ADGRL2: variants seen among roughly 807,000 people sequenced by gnomAD.
ADGRL2 encodes adhesion G protein-coupled receptor L2.
In ADGRL2, 44 loss-of-function variants were observed where a neutral mutation model predicts 157.4. That is an observed-to-expected ratio of 0.28 (90% CI 0.22 to 0.36). ADGRL2 has a LOEUF of 0.36. Among genes scored for constraint, ADGRL2 ranks in the 10% least tolerant of loss-of-function variants. The pLI is 1.00. For missense variants in ADGRL2, 1,510 were observed against 1,768.9 expected (o/e 0.85, Z 2.63); for synonymous variants, 585 against 624.7 (o/e 0.94, Z 0.95).
intron 2 of ADGRL2, among the ~76,000 whole-genome samples, chr1:81,496,932 C>T (rs910833197): frequency 6.6e-6 from 1 of 152,100 alleles, no homozygotes; most frequent in African/African-American, 2.4e-5. Flanking sequence ...TTGTCCTCCC[C>T]TTTCTACCTG....
intron 1 of ADGRL2, among the ~76,000 whole-genome samples, chr1:81,436,043 C>T (rs1003913299): frequency 2.0e-5 from 3 of 152,016 alleles, no homozygotes; most frequent in Admixed American, 6.6e-5. Context: ...TGCGGTGAGC[C>T]GAGATCACGC....
chr1:81,508,204 A>G (rs1359450290), intron 2 of ADGRL2, among the ~76,000 whole-genome samples: 1 of 152,234 alleles, frequency 6.6e-6, no homozygotes, highest in Non-Finnish European at 1.5e-5. Flanking sequence ...TCTTACCAGA[A>G]CAGTGAAAAT....
At chr1:81,912,712 A>C (rs112805060) in intron 3 of ADGRL2, among the ~76,000 whole-genome samples, 2,647 of 152,336 alleles carry the variant, frequency 0.017, 72 homozygotes, top group Non-Finnish European at 0.021. Flanking sequence ...ATGTTTTAGA[A>C]GCCAGTAGCA....
At chr1:81,848,634 A>G (rs1194176706) in intron 2 of ADGRL2, among the ~76,000 whole-genome samples, 1 of 151,978 alleles carries the variant, frequency 6.6e-6, no homozygotes, top group East Asian at 1.9e-4. Flanking sequence ...ACCATTTTAG[A>G]TGAAAAACTA....
chr1:81,899,122 C>A (rs940855837), intron 2 of ADGRL2, among the ~76,000 whole-genome samples: 2 of 152,048 alleles, frequency 1.3e-5, no homozygotes, highest in Non-Finnish European at 2.9e-5. Flanking sequence ...TATAGTACAG[C>A]GTAGTAAGAA....
intron 3 of ADGRL2, chr1:81,586,096 A>G (rs1409554075): frequency 2.0e-5 from 3 of 152,114 alleles, no homozygotes; most frequent in Non-Finnish European, 4.4e-5. Context: ...GTATTCTATT[A>G]TGTTACACCA....
At chr1:81,577,068 T>C (rs1000597593) in intron 2 of ADGRL2, among the ~76,000 whole-genome samples, 3 of 152,164 alleles carry the variant, frequency 2.0e-5, no homozygotes, top group Non-Finnish European at 2.9e-5. Context: ...AGCTTTCTGA[T>C]TCTATTACTG....
chr1:81,395,656 T>C (rs2076642307), intron 1 of ADGRL2, among the ~76,000 whole-genome samples: 1 of 152,218 alleles, frequency 6.6e-6, no homozygotes, highest in African/African-American at 2.4e-5. Context: ...TGTTTTCCTC[T>C]AGTAGTTTTA....
At chr1:81,407,540 G>A (rs2076874446) in intron 1 of ADGRL2, among the ~76,000 whole-genome samples, 1 of 152,212 alleles carries the variant, frequency 6.6e-6, no homozygotes, top group Non-Finnish European at 1.5e-5. Context: ...TTTTTATTCT[G>A]CTTTTCAAGG....
At chr1:81,331,891 A>G (rs1035832092) in intron 1 of ADGRL2, among the ~76,000 whole-genome samples, 3 of 152,188 alleles carry the variant, frequency 2.0e-5, no homozygotes, top group Admixed American at 2.0e-4. Flanking sequence ...TCAGATTGGA[A>G]TATAACTTAA....
At chr1:81,570,343 T>A (rs1557470789) in intron 2 of ADGRL2, among the ~76,000 whole-genome samples, 1 of 152,190 alleles carries the variant, frequency 6.6e-6, no homozygotes, top group African/African-American at 2.4e-5. Flanking sequence ...TAATTGCTAC[T>A]CATTCATATT....
intron 3 of ADGRL2, among the ~76,000 whole-genome samples, chr1:81,638,815 G>A (rs2082162123): frequency 6.6e-6 from 1 of 152,102 alleles, no homozygotes; most frequent in South Asian, 2.1e-4. Context: ...ACTAACCTGA[G>A]CACATAGCGA....
At chr1:81,561,416 T>C (rs576874407) in intron 2 of ADGRL2, among the ~76,000 whole-genome samples, 235 of 150,646 alleles carry the variant, frequency 1.6e-3, no homozygotes, top group Non-Finnish European at 2.8e-3. Flanking sequence ...TTCTTTCAAT[T>C]TTTTGTTTTG....
intron 2 of ADGRL2, among the ~76,000 whole-genome samples, chr1:81,899,523 T>C (rs1411510934): frequency 1.3e-5 from 2 of 152,116 alleles, no homozygotes; most frequent in East Asian, 3.9e-4. Context: ...TCAAAATCAT[T>C]TGTTCAGAGA....
At chr1:81,425,962 G>A (rs774714296) in intron 1 of ADGRL2, among the ~76,000 whole-genome samples, 1 of 152,064 alleles carries the variant, frequency 6.6e-6, no homozygotes, top group Non-Finnish European at 1.5e-5. Flanking sequence ...GAACTCCTGG[G>A]CTCAGGTTGT....
At chr1:81,448,297 C>T (rs2077639683) in intron 2 of ADGRL2, among the ~76,000 whole-genome samples, 1 of 151,554 alleles carries the variant, frequency 6.6e-6, no homozygotes, top group Admixed American at 6.6e-5. Flanking sequence ...AGGTATACGC[C>T]ACCACACCCA....
At chr1:81,840,430 G>A (rs1375991509) in intron 2 of ADGRL2, among the ~76,000 whole-genome samples, 1 of 151,632 alleles carries the variant, frequency 6.6e-6, no homozygotes, top group African/African-American at 2.4e-5. Flanking sequence ...GCTTTACATC[G>A]GTACATAATG....
chr1:81,328,041 A>T (rs1661016049), intron 1 of ADGRL2, among the ~76,000 whole-genome samples: 2 of 152,178 alleles, frequency 1.3e-5, no homozygotes. Flanking sequence ...GGAACAAAAA[A>T]CAAAAAGGCT....
intron 1 of ADGRL2, among the ~76,000 whole-genome samples, chr1:81,747,706 T>A (rs950049753): frequency 4.2e-4 from 41 of 97,756 alleles, no homozygotes; most frequent in Non-Finnish European, 6.9e-4. Flanking sequence ...AATGTTTGTG[T>A]GTGTGTGTGT....
Sources: gnomAD v4.1 joint callset for allele counts (sites outside exome capture counted in the v4.1 genomes callset) on GRCh38, gnomAD v4.1.1 for gene constraint, MANE v1.5 for transcripts, NCBI Gene and HGNC (gene_info 2026-07-23, HGNC 2026-07-21) for gene names.